HSP90B1: variants seen among roughly 807,000 people sequenced by gnomAD.
The protein encoded by HSP90B1 is heat shock protein 90 beta family member 1.
A neutral mutation model predicts 100.4 loss-of-function variants in HSP90B1; 27 were observed. That is an observed-to-expected ratio of 0.27 (90% CI 0.20 to 0.37). The LOEUF is 0.37. Among genes scored for constraint, HSP90B1 ranks in the 10% least tolerant of loss-of-function variants. HSP90B1 has a pLI of 1.00. For missense variants in HSP90B1, 678 were observed against 960.5 expected (o/e 0.71, Z 3.89); for synonymous variants, 304 against 330.8 (o/e 0.92, Z 0.88).
intron 1 of HSP90B1, among the ~76,000 whole-genome samples, chr12:103,931,079 C>G (rs537116199): frequency 6.6e-6 from 1 of 152,206 alleles, no homozygotes; most frequent in Non-Finnish European, 1.5e-5. Flanking sequence ...CATTTCTCCC[C>G]CTTCTCATGC....
Position 103,932,309 on chromosome 12 carries a change from A to T in HSP90B1, c.185A>T (p.Asn62Ile). Residue 62 changes from asparagine to isoleucine, a missense_variant, in exon 3 of 18, where the codon AAT becomes ATT. This residue lies in a region of HSP90B1 where 88 missense variants were observed against 88.2 expected (regional missense o/e 1.00). Transcript: ENST00000299767. ...EEEAIQLDGLNASQIRELREK... is the reference protein window; with the variant it reads ...EEEAIQLDGLIASQIRELREK... ...GAAGCTATTCAGTTGGATGGATTAA[A>T]TGCATCACAAATAAGAGAACTTAGA... The T allele has an allele frequency of 6.2e-7, 1 of 1,613,008 alleles. No individual in the cohort carries two copies. Among genetic ancestry groups the T allele is most frequent in the Non-Finnish European group, 8.5e-7 (1 of 1,179,526 alleles).
At chr12:103,937,948 C>T (rs1566166184) in intron 6 of HSP90B1, 142 bp downstream of exon 6, 2 of 537,394 alleles carry the variant, frequency 3.7e-6, no homozygotes, top group East Asian at 3.5e-5. Flanking sequence ...AGGTGGATCA[C>T]CTGAGGTCAG....
chr12:103,932,705 T>G, intron 3 of HSP90B1, 121 bp from the exon 4 acceptor site: 1 of 698,074 alleles, frequency 1.4e-6, no homozygotes, highest in South Asian at 1.7e-5. Context: ...AAGATCACTG[T>G]TAGGTGAATA....
At position 103,930,871 on chromosome 12, in the gene HSP90B1, C is replaced by A. The variant is rs376916927; in HGVS notation, c.49+307C>A. Among the ~76,000 whole-genome samples, 6 of 150,734 alleles carry A rather than the reference C, an allele frequency of 4.0e-5. No homozygotes were observed. The highest frequency in any genetic ancestry group is 7.4e-5 in the Non-Finnish European group (5 of 67,496). ...CCGGGAGCTGTGCGAGTCCCTCCCCCCTCCCCGCCCGGAGGACTTTTTCGG... is the reference window on the plus strand; with the variant it reads ...CCGGGAGCTGTGCGAGTCCCTCCCCACTCCCCGCCCGGAGGACTTTTTCGG... On this transcript the variant is annotated intron_variant, in intron 1 of 17. Coordinates refer to ENST00000299767, the MANE Select transcript of HSP90B1 (RefSeq NM_003299.3). This position sits in a 1 kb window ranked among gnomAD's most constrained non-coding sequence, Gnocchi z 4.4.
chr12:103,941,263 C>A, intron 8 of HSP90B1, 147 bp from the exon 9 acceptor site: 3 of 686,760 alleles, frequency 4.4e-6, no homozygotes, highest in Non-Finnish European at 4.9e-6. Context: ...CCACCCTTTT[C>A]TTTCTCTTCC....
chr12:103,939,624 A>C lies in HSP90B1; in HGVS notation c.1091A>C (p.Lys364Thr), dbSNP rs1374110784. 1 of 1,371,596 alleles carries C rather than the reference A, an allele frequency of 7.3e-7. No individual in the cohort carries two copies. The highest frequency in any genetic ancestry group is 1.0e-6 in the Non-Finnish European group (1 of 994,148). 85.0% of individuals were successfully genotyped at this position (1,371,596 alleles called of 1,614,324 possible). The change falls in exon 8 of 18, where the codon AAG becomes ACG. Residue 364 changes from lysine to threonine, a missense_variant and splice_region_variant. Physicochemically the swap from Lys to Thr is moderately conservative, Grantham distance 78. Transcript: ENST00000299767. ...EYKAFYKSFSKESDDPMAYIH... is the reference protein window; with the variant it reads ...EYKAFYKSFSTESDDPMAYIH... ...AAAGCTTTCTACAAATCATTTTCAA[A>C]GGTAAATATTTATAATTCCCTAGTT...
chr12:103,939,072 C>T lies in HSP90B1; in HGVS notation c.976-437C>T, dbSNP rs533946992. Among the ~76,000 whole-genome samples the T allele has an allele frequency of 1.7e-4, 25 of 149,960 alleles. No homozygotes were observed. In the South Asian group the frequency reaches 5.2e-3, roughly 31 times the overall value. On this transcript the variant is annotated intron_variant, in intron 7 of 17. Transcript: ENST00000299767. The stretch of plus-strand genomic sequence containing the variant: ...TTTGATACAGTTGGCAGAAACCTTA[C>T]TAGATAACAGGTATCCTTTGGTGCC...
At chr12:103,946,524 A>C (rs1870238544) in intron 14 of HSP90B1, 94 bp from the exon 15 acceptor site, 1 of 867,994 alleles carries the variant, frequency 1.2e-6, no homozygotes, top group Non-Finnish European at 1.8e-6. Flanking sequence ...TTTTTTACCA[A>C]GAGTTGTTCT....
Position 103,939,598 on chromosome 12 carries a change from C to G in HSP90B1, c.1065C>G (p.Tyr355Ter). The change falls in exon 8 of 18, where the codon TAC (tyrosine) becomes TAG (stop). Residue 355 changes from tyrosine to a stop codon, truncating the protein, a stop_gained. Coordinates refer to ENST00000299767, the MANE Select transcript of HSP90B1 (RefSeq NM_003299.3). LOFTEE classifies it high-confidence loss of function. ...CAAAAGAAGTAGAAGAAGATGAATA[C>G]AAAGCTTTCTACAAATCATTTTCAA... ...RPSKEVEEDE[Y>*]KAFYKSFSKE... The G allele has an allele frequency of 6.5e-7, 1 of 1,541,120 alleles. No homozygotes were observed. Among genetic ancestry groups the G allele is most frequent in the Non-Finnish European group, 8.8e-7 (1 of 1,130,188 alleles).
chr12:103,940,276 A>G (rs890994685), intron 8 of HSP90B1, among the ~76,000 whole-genome samples: 6 of 151,990 alleles, frequency 3.9e-5, no homozygotes, highest in Non-Finnish European at 8.8e-5. Context: ...TATGACATCA[A>G]ACACTTATTG....
At chr12:103,946,990 C>T in intron 16 of HSP90B1, 49 bp downstream of exon 16, 1 of 1,576,204 alleles carries the variant, frequency 6.3e-7, no homozygotes. Context: ...TTCTTTGTTT[C>T]TGTTCTTTCA....
Position 103,943,896 on chromosome 12 carries a change from C to T in HSP90B1, c.2027+22C>T, listed in dbSNP as rs547762787. The T allele has an allele frequency of 8.7e-6, 14 of 1,606,136 alleles. No individual in the cohort carries two copies. Among genetic ancestry groups the T allele is most frequent in the Non-Finnish European group, 1.1e-5 (13 of 1,176,122 alleles). ...CAAAGTAAGCATCCTCGGGAAAGTC[C>T]CTGCCAGGGCGTTGCCCCTTACCCA... On this transcript the variant is annotated intron_variant, in intron 14 of 17. Transcript: ENST00000299767. The surrounding 1 kb of genome is among the most constrained non-coding windows in gnomAD (Gnocchi z 5.3).
rs1315733735 is a variant in HSP90B1 at position 103,942,659 on chromosome 12, C to A, written c.1507C>A (p.Arg503=). 5 of 1,613,966 alleles carry A rather than the reference C, an allele frequency of 3.1e-6. No individual in the cohort carries two copies. Among genetic ancestry groups the A allele is most frequent in the Non-Finnish European group, 4.2e-6 (5 of 1,179,876 alleles). The change falls in exon 12 of 18, where the codon CGA becomes AGA. Residue 503 remains arginine (R), a synonymous_variant. Transcript: ENST00000299767. ...TGGTGTGATTGAAGACCACTCGAAT[C>A]GAACACGTCTTGCTAAACTTCTTAG... ...KLGVIEDHSN[R]TRLAKLLRFQ... is the part of the protein sequence containing the mutation.
In HSP90B1 at chr12:103,946,797, T is replaced by C. The variant is rs1474723231; in HGVS notation, c.2118T>C (p.Asp706=). ...TTCTTGCATTTCAGGAAGATGAAGA[T>C]GATAAAACAGTTTTGGATCTTGCTG... ...DMLRRIKEDE[D]DKTVLDLAVV... is the part of the protein sequence containing the mutation. The change falls in exon 16 of 18, where the codon GAT becomes GAC. Residue 706 remains aspartate, a synonymous_variant. Transcript: ENST00000299767. 6.2e-7 allele frequency: 1 copy of C among 1,614,110 alleles called. No homozygotes were observed. Among genetic ancestry groups the C allele is most frequent in the East Asian group, 2.2e-5 (1 of 44,880 alleles).
At chr12:103,932,197 C>T (rs1869786511) in intron 2 of HSP90B1, 80 bp from the exon 3 acceptor site, 5 of 1,140,996 alleles carry the variant, frequency 4.4e-6, no homozygotes, top group East Asian at 4.9e-5. Context: ...TTCAGAGGCC[C>T]CTGTGCTTTC....
Position 103,943,016 on chromosome 12 carries a change from G to GA in HSP90B1, c.1645-57dup. ...AATGTATAAACATAGCAGCTGCTAGGATAAACAAATACACCAGGGCCAGAC... is the reference window on the plus strand; with the variant it reads ...AATGTATAAACATAGCAGCTGCTAGGAATAAACAAATACACCAGGGCCAGAC... On this transcript the variant is annotated intron_variant, in intron 12 of 17. Coordinates refer to ENST00000299767, the MANE Select transcript of HSP90B1 (RefSeq NM_003299.3). The surrounding 1 kb of genome is among the most constrained non-coding windows in gnomAD (Gnocchi z 5.3). 2 of 1,592,360 alleles carry GA rather than the reference G, an allele frequency of 1.3e-6. No homozygotes were observed. Among genetic ancestry groups the GA allele is most frequent in the Non-Finnish European group, 1.7e-6 (2 of 1,170,180 alleles).
rs74866968 is a variant in HSP90B1, at chr12:103,930,419, A to G, written c.-97A>G. The stretch of plus-strand genomic sequence containing the variant: ...GACCTGCTTGCGGTGTAGTGGGCGG[A>G]CCGCGCGGCTGGAGGTGTGAGGATC... On this transcript the variant is annotated 5_prime_UTR_variant, in exon 1 of 18. Coordinates refer to ENST00000299767, the MANE Select transcript of HSP90B1 (RefSeq NM_003299.3). The surrounding 1 kb of genome is among the most constrained non-coding windows in gnomAD (Gnocchi z 4.4). The G allele has an allele frequency of 5.3e-6, 6 of 1,129,674 alleles. No homozygotes were observed. The highest frequency in any genetic ancestry group is 2.9e-5 in the East Asian group (1 of 34,706). The allele number at this position is 1,129,674 out of a possible 1,614,324, so 70.0% of individuals were successfully genotyped here.
chr12:103,943,047 A>T lies in HSP90B1; in HGVS notation c.1645-27A>T, dbSNP rs780039314. 6.2e-7 allele frequency: 1 copy of T among 1,610,870 alleles called. No homozygotes were observed. Among genetic ancestry groups the T allele is most frequent in the South Asian group, 1.1e-5 (1 of 90,548 alleles). ...CAAATACACCAGGGCCAGACTTGGA[A>T]AACTTTGTGACTTCTTAATTTTGTA... On this transcript the variant is annotated intron_variant, in intron 12 of 17. Coordinates refer to ENST00000299767, the MANE Select transcript of HSP90B1 (RefSeq NM_003299.3). This position sits in a 1 kb window ranked among gnomAD's most constrained non-coding sequence, Gnocchi z 5.3.
intron 5 of HSP90B1, among the ~76,000 whole-genome samples, chr12:103,937,018 A>G (rs144671405): frequency 9.2e-5 from 14 of 152,358 alleles, no homozygotes; most frequent in African/African-American, 3.1e-4. Context: ...GCTTAAGAGT[A>G]GGTTCTAGGC....
Sources: gnomAD v4.1 joint callset for allele counts (sites outside exome capture counted in the v4.1 genomes callset) on GRCh38, gnomAD v4.1.1 for gene constraint, gnomAD v4.1.1 regional missense constraint, Gnocchi (gnomAD v3.1) non-coding constraint, MANE v1.5 for transcripts, NCBI Gene and HGNC (gene_info 2026-07-23, HGNC 2026-07-21) for gene names.